ZNF423: variants seen among roughly 807,000 people sequenced by gnomAD.
The protein encoded by ZNF423 is Ebf-associated zinc finger protein.
A neutral mutation model predicts 95.8 loss-of-function variants in ZNF423; 12 were observed. That is an observed-to-expected ratio of 0.13 (90% CI 0.08 to 0.20). ZNF423 has a LOEUF of 0.20. Ranked by LOEUF, ZNF423 falls within the 10% of genes least tolerant of loss-of-function variation. The probability of loss-of-function intolerance (pLI) is 1.00; values close to 1 mark genes in which losing one functional copy is unlikely to be tolerated. For missense variants in ZNF423, 1,316 were observed against 1,737.1 expected, an observed-to-expected ratio of 0.76 and a Z score of 4.31; for synonymous variants, 749 against 711.9, an observed-to-expected ratio of 1.05 and a Z score of -0.83.
chr16:49,802,413 T>C (rs922445694), intron 1 of ZNF423, among the ~76,000 whole-genome samples: 1 of 152,212 alleles, frequency 6.6e-6, no homozygotes, highest in African/African-American at 2.4e-5. Context: ...TGCTGGTCAA[T>C]GTCTAACAGG....
In ZNF423 at chr16:49,638,766, T is replaced by A. The variant is rs886043664; in HGVS notation, c.410A>T (p.Glu137Val). The A allele has an allele frequency of 6.2e-7, 1 of 1,613,956 alleles. No individual in the cohort carries two copies. The highest frequency in any genetic ancestry group is 1.3e-5 in the African/African-American group (1 of 74,898). The change falls in exon 4 of 8, where the codon GAG (glutamate) becomes GTG (valine). Residue 137 changes from glutamate (E) to valine (V), a missense_variant. Physicochemically the swap from Glu to Val is moderately radical, Grantham distance 121. Coordinates refer to ENST00000563137, the MANE Select transcript of ZNF423 (RefSeq NM_001379286.1). This position sits in a 1 kb window ranked among gnomAD's most constrained non-coding sequence, Gnocchi z 5.6. Reference protein sequence around the residue: ...IGDGCDLGLGEEEGGTGLPYP... With the variant: ...IGDGCDLGLGVEEGGTGLPYP... Reference sequence around the variant, plus strand: ...TGGCAGGCCCGTGCCCCCTTCCTCCTCGCCGAGGCCGAGGTCACAACCATC... The same window carrying A: ...TGGCAGGCCCGTGCCCCCTTCCTCCACGCCGAGGCCGAGGTCACAACCATC...
intron 7 of ZNF423, among the ~76,000 whole-genome samples, chr16:49,495,697 A>C (rs889411191): frequency 6.6e-6 from 1 of 152,152 alleles, no homozygotes; most frequent in African/African-American, 2.4e-5. Context: ...ACCGCCACAC[A>C]CTAGAGGGAA....
chr16:49,699,898 G>A (rs987467601), intron 3 of ZNF423, among the ~76,000 whole-genome samples: 3 of 152,108 alleles, frequency 2.0e-5, no homozygotes, highest in Non-Finnish European at 2.9e-5. Context: ...CAAGAGGGAG[G>A]AGGACAGAAA....
intron 3 of ZNF423, among the ~76,000 whole-genome samples, chr16:49,726,946 C>T (rs771425630): frequency 6.7e-6 from 1 of 149,588 alleles, no homozygotes; most frequent in Non-Finnish European, 1.5e-5. Context: ...AAACACAGAA[C>T]GTGAAAACGT....
At chr16:49,793,435 C>T (rs1430585812) in intron 1 of ZNF423, among the ~76,000 whole-genome samples, 2 of 152,352 alleles carry the variant, frequency 1.3e-5, no homozygotes, top group Middle Eastern at 3.4e-3. Flanking sequence ...GACAACACAC[C>T]AAAGGGGCTA....
In ZNF423 at chr16:49,636,572, G is replaced by A. The variant is rs1225561042; in HGVS notation, c.2604C>T (p.Gly868=). 7 of 1,613,856 alleles carry A rather than the reference G, an allele frequency of 4.3e-6. No individual in the cohort carries two copies. Among genetic ancestry groups the A allele is most frequent in the Admixed American group, 1.7e-5 (1 of 60,000 alleles). ...GTGCCTCAGGGTTCTTAAGCAGCAT[G>A]CCCTGCAGGTCAGCAGGCTCAGCTT... ...TKKAEPADLQ[G]MLLKNPEAPN... is the part of the protein sequence containing the mutation. Residue 868 remains glycine, a synonymous_variant, in exon 4 of 8, where the codon GGC becomes GGT. Transcript: ENST00000563137. This position sits in a 1 kb window ranked among gnomAD's most constrained non-coding sequence, Gnocchi z 8.6.
At chr16:49,570,188 G>A (rs753131872) in intron 5 of ZNF423, among the ~76,000 whole-genome samples, 31 of 152,206 alleles carry the variant, frequency 2.0e-4, no homozygotes, top group Non-Finnish European at 4.0e-4. Flanking sequence ...GACTGACGGA[G>A]CATAAATCAT....
chr16:49,644,449 G>C (rs1973094946), intron 3 of ZNF423, among the ~76,000 whole-genome samples: 1 of 150,378 alleles, frequency 6.6e-6, no homozygotes, highest in Middle Eastern at 3.2e-3. Flanking sequence ...GAGGTCAGGA[G>C]TTTGAGACCA....
intron 7 of ZNF423, among the ~76,000 whole-genome samples, chr16:49,511,528 G>A (rs1314700296): frequency 6.6e-6 from 1 of 152,198 alleles, no homozygotes; most frequent in Non-Finnish European, 1.5e-5. Flanking sequence ...GTCCTAAGAG[G>A]CTACCCACAT....
intron 7 of ZNF423, among the ~76,000 whole-genome samples, chr16:49,504,455 G>A (rs2151667526): frequency 6.6e-6 from 1 of 152,300 alleles, no homozygotes; most frequent in East Asian, 1.9e-4. Context: ...GGCAGCGTGT[G>A]TCTGTAATCC....
At chr16:49,544,383 C>G (rs906163599) in intron 5 of ZNF423, among the ~76,000 whole-genome samples, 4 of 152,182 alleles carry the variant, frequency 2.6e-5, no homozygotes, top group Non-Finnish European at 5.9e-5. Context: ...TATACTTCAA[C>G]AAAGTTTTAA....
At chr16:49,658,078 A>G (rs1208726548) in intron 3 of ZNF423, among the ~76,000 whole-genome samples, 1 of 152,242 alleles carries the variant, frequency 6.6e-6, no homozygotes, top group African/African-American at 2.4e-5. Flanking sequence ...TGTTTTTGTA[A>G]TGCCCATTAA....
rs903556060 is a variant in ZNF423, at chr16:49,854,872, A to G, written c.40+863T>C. The G allele has an allele frequency of 4.1e-6, 4 of 984,978 alleles. No individual in the cohort carries two copies. The African/African-American group carries it at 7.0e-5, about 17-fold the overall frequency. 61.0% of individuals were successfully genotyped at this position (984,978 alleles called of 1,614,324 possible). A position where few individuals can be genotyped will look rare whatever the true frequency, so the allele number is the denominator to read the frequency against. On this transcript the variant is annotated intron_variant, in intron 1 of 7. Coordinates refer to ENST00000563137, the MANE Select transcript of ZNF423 (RefSeq NM_001379286.1). ...TCTGCAGCTCCCCACAAACGCGCGC[A>G]CCCCGGGGAGCCAGCACAGAAAGCC...
chr16:49,783,862 C>A (rs529488763), intron 2 of ZNF423, among the ~76,000 whole-genome samples: 1 of 150,978 alleles, frequency 6.6e-6, no homozygotes, highest in Admixed American at 6.6e-5. Flanking sequence ...CCCAGCTACT[C>A]GGGAGGCTGA....
chr16:49,817,995 C>T (rs906288202), intron 1 of ZNF423, among the ~76,000 whole-genome samples: 1 of 152,094 alleles, frequency 6.6e-6, no homozygotes, highest in African/African-American at 2.4e-5. Flanking sequence ...CTGTGCCAAG[C>T]CCTCCCCACT....
Position 49,686,520 on chromosome 16 carries a change from C to T in ZNF423, c.301+44251G>A, listed in dbSNP as rs117420925. ...CCTGCAGCCACTCGGAGTACACAGG[C>T]CTGCGTACGCCCCACACGGAGGATG... On this transcript the variant is annotated intron_variant, in intron 3 of 7. Transcript: ENST00000563137. Among the ~76,000 whole-genome samples the T allele has an allele frequency of 7.5e-4, 114 of 152,230 alleles. No homozygotes were observed. The East Asian group carries it at 0.02, about 27-fold the overall frequency.
At chr16:49,536,269 A>C (rs1969051792) in intron 5 of ZNF423, among the ~76,000 whole-genome samples, 2 of 152,188 alleles carry the variant, frequency 1.3e-5, no homozygotes, top group Admixed American at 1.3e-4. Context: ...ACTTTCTCAA[A>C]GTCCACCTTG....
intron 1 of ZNF423, among the ~76,000 whole-genome samples, chr16:49,845,035 C>CA (rs71138011): frequency 0.01 from 666 of 63,496 alleles, 103 homozygotes; most frequent in African/African-American, 0.02. Flanking sequence ...AACTCCATCT[C>CA]AAAAAAAAAA....
At chr16:49,771,062 C>G (rs907207531) in intron 2 of ZNF423, among the ~76,000 whole-genome samples, 3 of 152,138 alleles carry the variant, frequency 2.0e-5, no homozygotes, top group Admixed American at 2.0e-4. Flanking sequence ...CAGGTCAGGC[C>G]CCGGGAAGTG....
Sources: allele counts gnomAD v4.1 joint callset (sites outside exome capture counted in the v4.1 genomes callset), GRCh38; gene constraint gnomAD v4.1.1; non-coding constraint Gnocchi (gnomAD v3.1); transcripts MANE v1.5; gene names NCBI Gene and HGNC (gene_info 2026-07-23, HGNC 2026-07-21).